Variants in MYBL2 observed in about 807,000 individuals in gnomAD.
MYBL2 encodes the protein myb-related protein B.
Under a neutral mutation model 79.9 loss-of-function variants are expected in MYBL2, and 28 were observed. The observed-to-expected ratio is 0.35, with a 90% CI of 0.26 to 0.48. The LOEUF (loss-of-function observed/expected upper bound fraction) is 0.48, where lower values mean the gene tolerates loss of function less well. MYBL2 is among the 20% of genes least tolerant of loss of function. MYBL2 has a pLI of 0.99. For missense variants in MYBL2, 735 were observed against 893.9 expected, an observed-to-expected ratio of 0.82 and a Z score of 2.27; for synonymous variants, 378 against 361.2, an observed-to-expected ratio of 1.05 and a Z score of -0.53.
At chr20:43,688,989 C>T (rs911658432) in intron 5 of MYBL2, among the ~76,000 whole-genome samples, 1 of 152,024 alleles carries the variant, frequency 6.6e-6, no homozygotes, top group Non-Finnish European at 1.5e-5. Context: ...GGGGTTTTGC[C>T]ATCTTGGCCA....
At chr20:43,675,428 C>T (rs1201857529) in intron 2 of MYBL2, among the ~76,000 whole-genome samples, 2 of 151,896 alleles carry the variant, frequency 1.3e-5, no homozygotes, top group Non-Finnish European at 1.5e-5. Flanking sequence ...ATTCTCCTGC[C>T]TGAGCCTCCT....
intron 1 of MYBL2, among the ~76,000 whole-genome samples, chr20:43,670,065 ACT>A (rs1986822236): frequency 6.6e-6 from 1 of 152,220 alleles, no homozygotes; most frequent in Non-Finnish European, 1.5e-5. Flanking sequence ...AGATCATGCC[ACT>A]GCACTTCAGC....
intron 10 of MYBL2, among the ~76,000 whole-genome samples, chr20:43,710,951 T>G (rs903712416): frequency 6.6e-6 from 1 of 152,160 alleles, no homozygotes; most frequent in South Asian, 2.1e-4. Flanking sequence ...TGGGGGCTTT[T>G]CGGATGACTT....
chr20:43,685,748 CTG>C (rs1987257914), intron 4 of MYBL2, among the ~76,000 whole-genome samples: 1 of 150,658 alleles, frequency 6.6e-6, no homozygotes, highest in Non-Finnish European at 1.5e-5. Flanking sequence ...GAGTGAGACA[CTG>C]TCTCAAAAAA....
At position 43,667,171 on chromosome 20, in the gene MYBL2, G is replaced by C. The variant is rs1986732227; in HGVS notation, c.-113G>C. ...CCTGCTGACACGCTGACGCCTTCGA[G>C]CGCGGCCCGGGGCCCGGAGCGGCCG... On this transcript the variant is annotated 5_prime_UTR_variant, in exon 1 of 14. Coordinates refer to ENST00000217026, the MANE Select transcript of MYBL2 (RefSeq NM_002466.4). 1 of 650,416 alleles carries C rather than the reference G, an allele frequency of 1.5e-6. No homozygotes were observed. Among genetic ancestry groups the C allele is most frequent in the Non-Finnish European group, 2.1e-6 (1 of 485,702 alleles). The allele number at this position is 650,416 out of a possible 1,614,324, so 40.3% of individuals were successfully genotyped here. A position where few individuals can be genotyped will look rare whatever the true frequency, so the allele number is the denominator to read the frequency against.
chr20:43,701,949 T>C (rs866441793), intron 7 of MYBL2, among the ~76,000 whole-genome samples: 2 of 152,128 alleles, frequency 1.3e-5, no homozygotes, highest in Admixed American at 6.5e-5. Context: ...TCAGATCACC[T>C]GAGGTCAGGA....
intron 7 of MYBL2, among the ~76,000 whole-genome samples, chr20:43,702,117 T>A (rs1987686297): frequency 6.6e-6 from 1 of 151,790 alleles, no homozygotes; most frequent in Non-Finnish European, 1.5e-5. Context: ...ACAGAGCAAG[T>A]CTCTGTCTCA....
At chr20:43,682,567 G>T (rs377032295) in intron 3 of MYBL2, among the ~76,000 whole-genome samples, 2 of 152,208 alleles carry the variant, frequency 1.3e-5, no homozygotes, top group African/African-American at 4.8e-5. Context: ...GGTAGGGAGC[G>T]GCTTCCCACA....
At chr20:43,712,378 G>GGA (rs1389011108) in intron 11 of MYBL2, among the ~76,000 whole-genome samples, 5 of 152,170 alleles carry the variant, frequency 3.3e-5, no homozygotes, top group African/African-American at 1.2e-4. Flanking sequence ...ATGTGCACGT[G>GGA]GAGAGAACTT....
Position 43,697,275 on chromosome 20 carries a change from C to CT in MYBL2, c.664-2472dup, listed in dbSNP as rs371857943. On this transcript the variant is annotated intron_variant, in intron 6 of 13. Coordinates refer to ENST00000217026, the MANE Select transcript of MYBL2 (RefSeq NM_002466.4). Reference sequence around the variant, plus strand: ...TTGATTGAATTACTTTGGAGTTGATCTTTTTTTTTTCAGCTTTATTAAAAT... The same window carrying CT: ...TTGATTGAATTACTTTGGAGTTGATCTTTTTTTTTTTCAGCTTTATTAAAAT... Among the ~76,000 whole-genome samples the CT allele has an allele frequency of 4.1e-3, 606 of 149,026 alleles. 3 individuals are homozygous for CT. Among genetic ancestry groups the CT allele is most frequent in the Middle Eastern group, 0.017 (5 of 292 alleles).
chr20:43,703,414 C>G lies in MYBL2; in HGVS notation c.1365+511C>G, dbSNP rs540504965. Among the ~76,000 whole-genome samples, 168 of 152,310 alleles carry G rather than the reference C, an allele frequency of 1.1e-3. 1 individual carries two copies. Among genetic ancestry groups the G allele is most frequent in the African/African-American group, 3.9e-3 (164 of 41,566 alleles). On this transcript the variant is annotated intron_variant, in intron 8 of 13. Transcript: ENST00000217026. ...GCGAAGTCACTGAGAACTCACTGTT[C>G]TGGGTGTTGCCCCTGGGTGCTCTGT...
chr20:43,684,838 T>TA (rs3091560), intron 4 of MYBL2, among the ~76,000 whole-genome samples: 4 of 140,924 alleles, frequency 2.8e-5, no homozygotes, highest in East Asian at 2.1e-4. Context: ...CCCTGTCTCT[T>TA]AAAAAAAAAA....
intron 11 of MYBL2, 39 bp downstream of exon 11, chr20:43,711,640 A>T: frequency 1.3e-6 from 2 of 1,557,728 alleles, no homozygotes; most frequent in Non-Finnish European, 1.7e-6. Flanking sequence ...GGCAGGGGGA[A>T]TTGGAGCCGT....
intron 9 of MYBL2, among the ~76,000 whole-genome samples, chr20:43,709,001 C>T (rs1008380501): frequency 6.6e-6 from 1 of 152,182 alleles, no homozygotes; most frequent in African/African-American, 2.4e-5. Context: ...ATCTCTAGGT[C>T]CTGAGGAAGG....
chr20:43,674,583 C>T (rs1017081692), intron 2 of MYBL2, among the ~76,000 whole-genome samples: 12 of 150,984 alleles, frequency 7.9e-5, no homozygotes, highest in Non-Finnish European at 1.6e-4. Context: ...TTAGTAGATA[C>T]GGGGGCTTCA....
At chr20:43,706,021 G>T (rs1259976425) in intron 9 of MYBL2, among the ~76,000 whole-genome samples, 1 of 151,904 alleles carries the variant, frequency 6.6e-6, no homozygotes, top group African/African-American at 2.4e-5. Flanking sequence ...AAGAGGTGAG[G>T]TCTTGCTACT....
chr20:43,688,717 A>G (rs1987336285), intron 5 of MYBL2, among the ~76,000 whole-genome samples: 1 of 152,212 alleles, frequency 6.6e-6, no homozygotes, highest in South Asian at 2.1e-4. Flanking sequence ...TGCTGGGATT[A>G]CAGGCATGAG....
chr20:43,687,263 T>A (rs1404906291), intron 5 of MYBL2, among the ~76,000 whole-genome samples, 191 bp downstream of exon 5: 2 of 152,196 alleles, frequency 1.3e-5, no homozygotes, highest in Non-Finnish European at 2.9e-5. Context: ...CCCTGTCTTC[T>A]GTCAGCTTAA....
At chr20:43,669,357 C>A (rs1472304985) in intron 1 of MYBL2, among the ~76,000 whole-genome samples, 2 of 152,172 alleles carry the variant, frequency 1.3e-5, no homozygotes, top group Non-Finnish European at 2.9e-5. Flanking sequence ...GCCTCTAGAC[C>A]ACCCCAGGTC....
Sources: gnomAD v4.1 joint callset for allele counts (sites outside exome capture counted in the v4.1 genomes callset) on GRCh38, gnomAD v4.1.1 for gene constraint, MANE v1.5 for transcripts, NCBI Gene and HGNC (gene_info 2026-07-23, HGNC 2026-07-21) for gene names.